The following ANKHD1 variants were observed in gnomAD, a reference collection of about 807,000 sequenced individuals.
The protein encoded by ANKHD1 is ankyrin repeat and KH domain containing 1.
In ANKHD1, 31 loss-of-function variants were observed where a neutral mutation model predicts 230.5. That is an observed-to-expected ratio of 0.13 (90% CI 0.10 to 0.18). The LOEUF (loss-of-function observed/expected upper bound fraction) is 0.18. Ranked by LOEUF, ANKHD1 falls within the 10% of genes least tolerant of loss-of-function variation. The probability of loss-of-function intolerance (pLI) is 1.00; values close to 1 mark genes in which losing one functional copy is unlikely to be tolerated. For synonymous variants in ANKHD1, 1,074 were observed against 1,117.6 expected, an observed-to-expected ratio of 0.96 and a Z score of 0.78; for missense variants, 2,256 against 3,071.3, an observed-to-expected ratio of 0.73 and a Z score of 6.27.
chr5:140,514,581 G>A (rs1752909674), intron 24 of ANKHD1, among the ~76,000 whole-genome samples: 1 of 152,180 alleles, frequency 6.6e-6, no homozygotes, highest in East Asian at 1.9e-4. Flanking sequence ...ATAGGTAATA[G>A]ATTCTTAAAC....
intron 9 of ANKHD1, 45 bp from the exon 10 acceptor site, chr5:140,464,622 A>G: frequency 6.8e-7 from 1 of 1,470,130 alleles, no homozygotes; most frequent in African/African-American, 1.4e-5. Context: ...TATCTAATAC[A>G]ATTTTACAGT....
At chr5:140,462,028 A>T (rs1208631432) in intron 9 of ANKHD1, among the ~76,000 whole-genome samples, 1 of 150,614 alleles carries the variant, frequency 6.6e-6, no homozygotes, top group Non-Finnish European at 1.5e-5. Flanking sequence ...GAAGAAATAG[A>T]ATGTTTTTCC....
chr5:140,436,677 G>C (rs957195866), intron 2 of ANKHD1, among the ~76,000 whole-genome samples: 1 of 151,882 alleles, frequency 6.6e-6, no homozygotes, highest in South Asian at 2.1e-4. Context: ...ACCCTAGAGG[G>C]GGAGGTTTCA....
intron 10 of ANKHD1, chr5:140,472,537 T>C: frequency 9.7e-7 from 1 of 1,034,042 alleles, no homozygotes; most frequent in Non-Finnish European, 1.2e-6. Context: ...TAGGTGAAAA[T>C]AGATTTTCTT....
chr5:140,507,848 A>G lies in ANKHD1; in HGVS notation c.3615A>G (p.Ala1205=). ...MLAAMNGHVP[A]VKLLLDMGSD... The stretch of plus-strand genomic sequence containing the variant: ...CTGCAATGAATGGACATGTTCCTGC[A>G]GTAAAATTGCTGCTCGATATGGGTT... Residue 1205 remains alanine, a synonymous_variant, in exon 20 of 34, where the codon GCA becomes GCG. Coordinates refer to ENST00000360839, the MANE Select transcript of ANKHD1 (RefSeq NM_017747.3). The surrounding 1 kb of genome is among the most constrained non-coding windows in gnomAD (Gnocchi z 4.1). The G allele has an allele frequency of 6.2e-7, 1 of 1,614,170 alleles. No individual in the cohort carries two copies. Among genetic ancestry groups the G allele is most frequent in the Non-Finnish European group, 8.5e-7 (1 of 1,180,036 alleles).
intron 1 of ANKHD1, among the ~76,000 whole-genome samples, chr5:140,432,950 C>G (rs192281951): frequency 3.9e-5 from 6 of 151,996 alleles, no homozygotes; most frequent in Non-Finnish European, 7.4e-5. Flanking sequence ...TGATCCCCCC[C>G]ACCCTGGCTT....
At chr5:140,512,216 A>G (rs1752802533) in intron 22 of ANKHD1, among the ~76,000 whole-genome samples, 1 of 151,464 alleles carries the variant, frequency 6.6e-6, no homozygotes, top group African/African-American at 2.4e-5. Flanking sequence ...AGCCGGGGCA[A>G]CAACAGCGAG....
rs1751447082 is a variant in ANKHD1 at position 140,485,245 on chromosome 5, C to G, written c.1995C>G (p.Leu665=). Residue 665 remains leucine, a synonymous_variant, in exon 12 of 34, where the codon CTC becomes CTG. Coordinates refer to ENST00000360839, the MANE Select transcript of ANKHD1 (RefSeq NM_017747.3). The surrounding 1 kb of genome is among the most constrained non-coding windows in gnomAD (Gnocchi z 4.8). ...ATGGGGCTGACCCTACTCATCGACTCAAGGTAGTCTACTTAAAAATAAGTA... is the reference window on the plus strand; with the variant it reads ...ATGGGGCTGACCCTACTCATCGACTGAAGGTAGTCTACTTAAAAATAAGTA... ...LAHGADPTHR[L]KDGSTMLIEA... 6.2e-7 allele frequency: 1 copy of G among 1,611,638 alleles called. No individual in the cohort carries two copies. The highest frequency in any genetic ancestry group is 1.1e-5 in the South Asian group (1 of 90,948).
At chr5:140,489,317 T>C (rs1751662774) in intron 14 of ANKHD1, among the ~76,000 whole-genome samples, 1 of 151,996 alleles carries the variant, frequency 6.6e-6, no homozygotes, top group African/African-American at 2.4e-5. Context: ...GGAGAACTTG[T>C]CTCTATTTAA....
chr5:140,407,211 C>T (rs1770535498), intron 1 of ANKHD1, among the ~76,000 whole-genome samples: 1 of 141,840 alleles, frequency 7.1e-6, no homozygotes, highest in African/African-American at 2.6e-5. Flanking sequence ...AGGAGAATTG[C>T]TTGAACCTGG....
intron 24 of ANKHD1, among the ~76,000 whole-genome samples, chr5:140,519,312 A>G (rs1034893763): frequency 2.0e-5 from 3 of 152,228 alleles, no homozygotes; most frequent in African/African-American, 4.8e-5. Flanking sequence ...TTCCATGCTC[A>G]TGAGTAGGAA....
chr5:140,514,196 A>T (rs1439271965), intron 24 of ANKHD1, among the ~76,000 whole-genome samples: 1 of 151,432 alleles, frequency 6.6e-6, no homozygotes, highest in Non-Finnish European at 1.5e-5. Flanking sequence ...TTAAAAAAAA[A>T]AAAAAAAAAA....
intron 1 of ANKHD1, among the ~76,000 whole-genome samples, chr5:140,421,900 C>A (rs187216287): frequency 6.6e-6 from 1 of 152,232 alleles, no homozygotes; most frequent in Admixed American, 6.5e-5. Flanking sequence ...TATTACCAAC[C>A]CCTCAACAGA....
Position 140,529,557 on chromosome 5 carries a change from T to G in ANKHD1, c.6611T>G (p.Phe2204Cys). 1 of 1,614,190 alleles carries G rather than the reference T, an allele frequency of 6.2e-7. No individual in the cohort carries two copies. The highest frequency in any genetic ancestry group is 8.5e-7 in the Non-Finnish European group (1 of 1,180,036). The change falls in exon 29 of 34, where the codon TTT becomes TGT. Residue 2204 changes from phenylalanine (F) to cysteine (C), a missense_variant. By Grantham distance (205) the Phe-to-Cys change is radical. Coordinates refer to ENST00000360839, the MANE Select transcript of ANKHD1 (RefSeq NM_017747.3). ...NPANKSLPPT[F>C]GPATLFNHFS... ...GCAAATAAGTCTTTGCCACCTACAT[T>G]TGGCCCAGCCACACTTTTCAATCAC...
At chr5:140,472,221 T>G in intron 10 of ANKHD1, 1 of 1,610,652 alleles carries the variant, frequency 6.2e-7, no homozygotes, top group East Asian at 2.2e-5. Flanking sequence ...CCGTGAGTTC[T>G]TCTTTTTCCT....
chr5:140,524,979 C>T (rs1191127898), intron 25 of ANKHD1: 8 of 320,740 alleles, frequency 2.5e-5, no homozygotes, highest in South Asian at 7.2e-5. Context: ...GGATTACAGG[C>T]GTGGTGGCAC....
chr5:140,533,383 G>A (rs1753923571), intron 29 of ANKHD1, among the ~76,000 whole-genome samples: 1 of 152,148 alleles, frequency 6.6e-6, no homozygotes, highest in Admixed American at 6.5e-5. Flanking sequence ...CAGATCACGA[G>A]GTCAGGAGAT....
chr5:140,482,028 A>T (rs1454870589), intron 10 of ANKHD1, among the ~76,000 whole-genome samples: 1 of 152,036 alleles, frequency 6.6e-6, no homozygotes. Context: ...TCTTTCTGCT[A>T]TTAGGAGTTG....
At chr5:140,441,859 C>T (rs1773873830) in intron 5 of ANKHD1, among the ~76,000 whole-genome samples, 2 of 151,732 alleles carry the variant, frequency 1.3e-5, no homozygotes, top group African/African-American at 4.8e-5. Flanking sequence ...TATCTTATAA[C>T]AACATGTCAT....
Sources: allele counts gnomAD v4.1 joint callset (sites outside exome capture counted in the v4.1 genomes callset), GRCh38; gene constraint gnomAD v4.1.1; non-coding constraint Gnocchi (gnomAD v3.1); transcripts MANE v1.5; gene names NCBI Gene and HGNC (gene_info 2026-07-23, HGNC 2026-07-21).